Variants in PIP5K1A observed in about 807,000 individuals in gnomAD.
The protein encoded by PIP5K1A is phosphatidylinositol 4-phosphate 5-kinase type-1 alpha.
In PIP5K1A, 46 loss-of-function variants were observed where a neutral mutation model predicts 72.9. The ratio of observed to expected loss-of-function variants is 0.63; its 90% confidence interval spans 0.50 to 0.81. The LOEUF (loss-of-function observed/expected upper bound fraction) is 0.81. PIP5K1A is among the 30% of genes least tolerant of loss of function. The pLI, the probability that PIP5K1A is intolerant of heterozygous loss-of-function variation, is 0.00. For synonymous variants in PIP5K1A, 228 were observed against 255.1 expected (o/e 0.89, Z 1.01); for missense variants, 458 against 706.1 (o/e 0.65, Z 3.98).
intron 1 of PIP5K1A, among the ~76,000 whole-genome samples, chr1:151,200,927 TC>T (rs1685135326): frequency 6.6e-6 from 1 of 152,066 alleles, no homozygotes; most frequent in Non-Finnish European, 1.5e-5. Flanking sequence ...CCTCCCGGGT[TC>T]ACGCCATTCT....
chr1:151,212,850 C>G (rs933939955), intron 1 of PIP5K1A, among the ~76,000 whole-genome samples: 52 of 144,478 alleles, frequency 3.6e-4, no homozygotes, highest in Non-Finnish European at 6.1e-4. Context: ...TGGGATTATA[C>G]GCGTGAGCCA....
At chr1:151,227,064 C>G (rs1409249579) in intron 3 of PIP5K1A, among the ~76,000 whole-genome samples, 1 of 152,140 alleles carries the variant, frequency 6.6e-6, no homozygotes, top group African/African-American at 2.4e-5. Context: ...CTTTTATTTT[C>G]TGTGTCTTCT....
At chr1:151,207,556 G>C (rs1159334447) in intron 1 of PIP5K1A, among the ~76,000 whole-genome samples, 1 of 149,188 alleles carries the variant, frequency 6.7e-6, no homozygotes, top group African/African-American at 2.5e-5. Flanking sequence ...TTTTGAGATG[G>C]AGTCTCGCTC....
chr1:151,205,845 C>T (rs1031339270), intron 1 of PIP5K1A, among the ~76,000 whole-genome samples: 6 of 152,056 alleles, frequency 3.9e-5, no homozygotes, highest in African/African-American at 1.4e-4. Context: ...ATTTTTCTTT[C>T]TTCTTTTTAC....
At chr1:151,205,229 G>A (rs897921608) in intron 1 of PIP5K1A, among the ~76,000 whole-genome samples, 3 of 152,090 alleles carry the variant, frequency 2.0e-5, no homozygotes, top group Non-Finnish European at 2.9e-5. Flanking sequence ...CCAGTGTAGT[G>A]CAGTGGTGCG....
At chr1:151,242,599 C>T in intron 14 of PIP5K1A, 32 bp downstream of exon 14, 1 of 1,588,534 alleles carries the variant, frequency 6.3e-7, no homozygotes, top group African/African-American at 1.3e-5. Context: ...TCCATATAAT[C>T]TTATCTCTCT....
chr1:151,233,875 C>T (rs1690472621), intron 7 of PIP5K1A: 1 of 265,002 alleles, frequency 3.8e-6, no homozygotes, highest in Non-Finnish European at 7.2e-6. Flanking sequence ...CCTTACCTGC[C>T]TTACCATCCC....
intron 1 of PIP5K1A, 61 bp downstream of exon 1, chr1:151,199,142 A>G: frequency 6.2e-7 from 1 of 1,611,554 alleles, no homozygotes; most frequent in Non-Finnish European, 8.5e-7. Context: ...AGGAAGAGCG[A>G]GACCTAAGAG....
chr1:151,238,634 A>G (rs1405411315), intron 10 of PIP5K1A: 2 of 270,020 alleles, frequency 7.4e-6, no homozygotes, highest in Admixed American at 1.0e-4. Context: ...GAGGAAAAAC[A>G]GGAGGGTCAC....
chr1:151,233,789 G>A (rs1393382224), intron 7 of PIP5K1A: 1 of 163,178 alleles, frequency 6.1e-6, no homozygotes, highest in Non-Finnish European at 1.3e-5. Context: ...AATGAGGTAG[G>A]TTATTTCCCT....
Position 151,234,382 on chromosome 1 carries a change from G to A in PIP5K1A, c.825G>A (p.Glu275=). 1 of 1,614,052 alleles carries A rather than the reference G, an allele frequency of 6.2e-7. No homozygotes were observed. The change falls in exon 8 of 16, where the codon GAG becomes GAA. Residue 275 remains glutamate, a synonymous_variant. Coordinates refer to ENST00000368888, the MANE Select transcript of PIP5K1A (RefSeq NM_001135638.2). The part of the protein sequence containing the change: ...YKRRASQKER[E]KPLPTFKDLD... ...GGCGGGCTTCCCAGAAAGAGCGAGA[G>A]AAGCCTCTTCCCACATTTAAAGACC...
intron 1 of PIP5K1A, among the ~76,000 whole-genome samples, chr1:151,222,064 G>T (rs1031396041): frequency 1.3e-5 from 2 of 152,132 alleles, no homozygotes; most frequent in African/African-American, 4.8e-5. Flanking sequence ...TCCAGCCAGG[G>T]TGACATTGTG....
chr1:151,228,708 T>C (rs980127572), intron 4 of PIP5K1A, among the ~76,000 whole-genome samples: 1 of 152,088 alleles, frequency 6.6e-6, no homozygotes, highest in African/African-American at 2.4e-5. Flanking sequence ...GTTTGTCTAA[T>C]ATGGGATGTG....
chr1:151,239,276 CTTTTTTT>C (rs587607391), intron 11 of PIP5K1A, 98 bp downstream of exon 11: 9 of 606,958 alleles, frequency 1.5e-5, no homozygotes, highest in East Asian at 9.7e-5. Context: ...TTTCTTTTTT[CTTTTTTT>C]TTTTTTTGAG....
At chr1:151,208,934 G>A (rs367998129) in intron 1 of PIP5K1A, among the ~76,000 whole-genome samples, 1 of 149,950 alleles carries the variant, frequency 6.7e-6, no homozygotes, top group Admixed American at 6.7e-5. Context: ...GTGTTTCACC[G>A]TGTTAGCCAG....
At chr1:151,221,367 G>A (rs1688374826) in intron 1 of PIP5K1A, among the ~76,000 whole-genome samples, 1 of 152,168 alleles carries the variant, frequency 6.6e-6, no homozygotes, top group African/African-American at 2.4e-5. Context: ...TTAAAATTGA[G>A]CCAGTGTGGA....
At chr1:151,203,876 T>C (rs1572139159) in intron 1 of PIP5K1A, among the ~76,000 whole-genome samples, 1 of 151,622 alleles carries the variant, frequency 6.6e-6, no homozygotes, top group East Asian at 1.9e-4. Flanking sequence ...AATCATGAGC[T>C]GTGTAGTTCC....
chr1:151,211,685 A>G (rs1686819625), intron 1 of PIP5K1A, among the ~76,000 whole-genome samples: 1 of 148,750 alleles, frequency 6.7e-6, no homozygotes, highest in Non-Finnish European at 1.5e-5. Flanking sequence ...AGTCCCAGCT[A>G]CTCCCAGCTG....
At chr1:151,208,275 G>A (rs963266028) in intron 1 of PIP5K1A, among the ~76,000 whole-genome samples, 6 of 151,784 alleles carry the variant, frequency 4.0e-5, no homozygotes, top group African/African-American at 1.2e-4. Context: ...ACTTCTGACT[G>A]TTTCCTAGAA....
Sources: gnomAD v4.1 joint callset for allele counts (sites outside exome capture counted in the v4.1 genomes callset) on GRCh38, gnomAD v4.1.1 for gene constraint, MANE v1.5 for transcripts, NCBI Gene and HGNC (gene_info 2026-07-23, HGNC 2026-07-21) for gene names.